Variants in FRMD4A observed in about 807,000 individuals in gnomAD.
FRMD4A encodes FERM domain-containing protein 4A.
A neutral mutation model predicts 129.1 loss-of-function variants in FRMD4A; 29 were observed. The observed-to-expected ratio is 0.22, with a 90% CI of 0.17 to 0.31. The LOEUF is 0.31. Ranked by LOEUF, FRMD4A falls within the 10% of genes least tolerant of loss-of-function variation. The pLI, the probability that FRMD4A is intolerant of heterozygous loss-of-function variation, is 1.00. For missense variants in FRMD4A, 1,272 were observed against 1,375.8 expected (o/e 0.92, Z 1.19); for synonymous variants, 634 against 571.6 (o/e 1.11, Z -1.56).
chr10:13,664,184 C>T (rs1200963732), intron 18 of FRMD4A, among the ~76,000 whole-genome samples: 2 of 152,114 alleles, frequency 1.3e-5, no homozygotes, highest in Admixed American at 6.5e-5. Context: ...AGCAAAGGTC[C>T]CAAGTCTTCA....
At chr10:14,085,957 A>C (rs1368085326) in intron 2 of FRMD4A, among the ~76,000 whole-genome samples, 1 of 152,126 alleles carries the variant, frequency 6.6e-6, no homozygotes. Context: ...TTTTTTTGCA[A>C]AATCCTCTGT....
At chr10:14,051,274 C>G (rs1160031942) in intron 2 of FRMD4A, among the ~76,000 whole-genome samples, 3 of 152,188 alleles carry the variant, frequency 2.0e-5, no homozygotes, top group Non-Finnish European at 4.4e-5. Context: ...TTCTCTGAAG[C>G]TACACTCCCA....
intron 2 of FRMD4A, among the ~76,000 whole-genome samples, chr10:13,974,921 T>C (rs2095536076): frequency 1.3e-5 from 2 of 152,270 alleles, no homozygotes; most frequent in South Asian, 2.1e-4. Context: ...ATGACTGCCA[T>C]TGAGAACAAT....
At chr10:13,872,899 A>G (rs975200027) in intron 2 of FRMD4A, among the ~76,000 whole-genome samples, 1 of 152,176 alleles carries the variant, frequency 6.6e-6, no homozygotes, top group African/African-American at 2.4e-5. Flanking sequence ...AAGGATAGTT[A>G]GATGGAGCCT....
At chr10:14,048,830 TAGAATAGAATAGAATAGAATAGAA>T in intron 2 of FRMD4A, among the ~76,000 whole-genome samples, 1 of 3,032 alleles carries the variant, frequency 3.3e-4, no homozygotes, top group African/African-American at 1.8e-3. Context: ...TAGATTAGAA[TAGAATAGAATAGAATAGAATAGAA>T]TAGAATAGAA....
chr10:13,874,245 C>CCTAA (rs2094468013), intron 2 of FRMD4A, among the ~76,000 whole-genome samples: 1 of 76,410 alleles, frequency 1.3e-5, no homozygotes, highest in Non-Finnish European at 2.3e-5. Flanking sequence ...GACACTGTCT[C>CCTAA]AAAAAAAAAA....
chr10:13,843,580 C>T (rs930144739), intron 3 of FRMD4A, among the ~76,000 whole-genome samples: 1 of 152,206 alleles, frequency 6.6e-6, no homozygotes, highest in South Asian at 2.1e-4. Flanking sequence ...TCACTGCAAC[C>T]TCCGCCTGCC....
intron 2 of FRMD4A, among the ~76,000 whole-genome samples, chr10:13,948,727 C>T (rs1261713438): frequency 6.8e-6 from 1 of 147,334 alleles, no homozygotes; most frequent in East Asian, 2.0e-4. Flanking sequence ...TCTCGGCTCA[C>T]TGCAACCTCC....
chr10:13,983,166 G>A (rs1462638871), intron 2 of FRMD4A, among the ~76,000 whole-genome samples: 2 of 152,030 alleles, frequency 1.3e-5, no homozygotes, highest in Non-Finnish European at 2.9e-5. Flanking sequence ...TCACCATGTC[G>A]GCCAGGCTGG....
At chr10:14,129,583 G>A (rs953277271) in intron 2 of FRMD4A, among the ~76,000 whole-genome samples, 7 of 151,618 alleles carry the variant, frequency 4.6e-5, no homozygotes, top group East Asian at 1.9e-4. Flanking sequence ...TGGGAGGCCC[G>A]CCCCTGGAAA....
chr10:13,761,815 C>A, intron 7 of FRMD4A, 146 bp from the exon 8 acceptor site: 2 of 626,604 alleles, frequency 3.2e-6, no homozygotes, highest in South Asian at 2.3e-5. Context: ...TGCAGGAATA[C>A]AATTAAAACT....
intron 2 of FRMD4A, among the ~76,000 whole-genome samples, chr10:13,865,797 CAT>C (rs1252677834): frequency 1.3e-5 from 2 of 152,126 alleles, no homozygotes; most frequent in African/African-American, 2.4e-5. Context: ...CAGAAAAAAA[CAT>C]GTGTTTTTTA....
intron 2 of FRMD4A, among the ~76,000 whole-genome samples, chr10:14,006,716 A>G (rs552600962): frequency 9.9e-5 from 15 of 152,160 alleles, no homozygotes; most frequent in Non-Finnish European, 1.9e-4. Context: ...TTTTGTTACC[A>G]TACAGACCAA....
chr10:13,972,376 T>G, intron 2 of FRMD4A: 1 of 947,070 alleles, frequency 1.1e-6, no homozygotes, highest in Non-Finnish European at 1.3e-6. Context: ...AAATTGCTAT[T>G]TCTGTGGGCA....
intron 2 of FRMD4A, among the ~76,000 whole-genome samples, chr10:14,185,478 C>T (rs569470797): frequency 2.7e-4 from 41 of 152,328 alleles, no homozygotes; most frequent in African/African-American, 8.2e-4. Context: ...AACATTACAA[C>T]ATTTTGTAAT....
intron 2 of FRMD4A, among the ~76,000 whole-genome samples, chr10:14,298,375 C>T (rs1846077043): frequency 6.6e-6 from 1 of 152,134 alleles, no homozygotes; most frequent in Non-Finnish European, 1.5e-5. Flanking sequence ...AGGGCTATTT[C>T]TCCACTGGAA....
chr10:14,109,667 T>C (rs1432358818), intron 2 of FRMD4A, among the ~76,000 whole-genome samples: 2 of 152,140 alleles, frequency 1.3e-5, no homozygotes, highest in Non-Finnish European at 2.9e-5. Context: ...GTTTACATTA[T>C]TTCCAGTTCT....
Position 13,999,341 on chromosome 10 carries a change from C to T in FRMD4A, c.46-140429G>A, listed in dbSNP as rs571672764. Among the ~76,000 whole-genome samples the T allele has an allele frequency of 2.9e-3, 443 of 152,174 alleles. 1 individual carries two copies. The highest frequency in any genetic ancestry group is 5.4e-3 in the South Asian group (26 of 4,822). ...CCTAGAACACTGTCTGGCATGTAGT[C>T]GATGTTAAATAAATATCTGTGAAAT... On this transcript the variant is annotated intron_variant, in intron 2 of 24. Transcript: ENST00000357447.
intron 2 of FRMD4A, among the ~76,000 whole-genome samples, chr10:13,952,871 T>C (rs1000687154): frequency 4.6e-5 from 7 of 151,680 alleles, no homozygotes; most frequent in African/African-American, 1.7e-4. Context: ...TTTTTTCGTA[T>C]TTTTAGTAGA....
Sources: allele counts gnomAD v4.1 joint callset (sites outside exome capture counted in the v4.1 genomes callset), GRCh38; gene constraint gnomAD v4.1.1; transcripts MANE v1.5; gene names NCBI Gene and HGNC (gene_info 2026-07-23, HGNC 2026-07-21).